Variants in STIM2 observed in about 807,000 individuals in gnomAD.
STIM2 encodes stromal interaction molecule 2.
STIM2 carries 31 observed loss-of-function variants against 85.8 expected under a neutral mutation model. The ratio of observed to expected loss-of-function variants is 0.36; its 90% CI spans 0.27 to 0.49. The LOEUF is 0.49. STIM2 is among the 20% of genes least tolerant of loss of function. STIM2 has a pLI of 0.98. For missense variants in STIM2, 841 were observed against 927.6 expected (o/e 0.91, Z 1.21); for synonymous variants, 356 against 331.1 (o/e 1.08, Z -0.82).
At position 26,958,716 on chromosome 4, in the gene STIM2, A is replaced by G. The variant is rs577662580; in HGVS notation, c.397+990A>G. On this transcript the variant is annotated intron_variant, in intron 3 of 11. Transcript: ENST00000467087. ...AAACCTCTCCATTTCTCTTCCCTAC[A>G]CCATTTTAAAATAACATGAGCTCGG... Among the ~76,000 whole-genome samples, 76 of 152,232 alleles carry G rather than the reference A, an allele frequency of 5.0e-4. 1 individual carries two copies. In the Middle Eastern group the frequency reaches 0.01, roughly 20 times the overall value.
At position 27,017,904 on chromosome 4, in the gene STIM2, C is replaced by T; in HGVS notation, c.1683C>T (p.Ile561=). Residue 561 remains isoleucine (I), a synonymous_variant, in exon 11 of 12, where the codon ATC becomes ATT. Transcript: ENST00000467087. ...CCTTGCCTTCCCCTGATCCAGATATCCTCTCAGTGTCAAGTTGCCCTGCGC... is the reference window on the plus strand; with the variant it reads ...CCTTGCCTTCCCCTGATCCAGATATTCTCTCAGTGTCAAGTTGCCCTGCGC... The T allele has an allele frequency of 6.2e-7, 1 of 1,614,132 alleles. No homozygotes were observed. The highest frequency in any genetic ancestry group is 8.5e-7 in the Non-Finnish European group (1 of 1,180,030).
chr4:26,984,799 A>C (rs964764519), intron 3 of STIM2, among the ~76,000 whole-genome samples: 20 of 152,238 alleles, frequency 1.3e-4, no homozygotes, highest in Non-Finnish European at 2.6e-4. Context: ...GCCTTCCCTC[A>C]GTGTCCCCTG....
chr4:26,893,879 G>GT (rs1723597346), intron 1 of STIM2, among the ~76,000 whole-genome samples: 1 of 151,678 alleles, frequency 6.6e-6, no homozygotes, highest in Non-Finnish European at 1.5e-5. Context: ...GAGTTGGAGT[G>GT]TTTTTTTCTT....
chr4:26,945,592 C>G (rs551822226), intron 2 of STIM2, among the ~76,000 whole-genome samples: 1 of 152,260 alleles, frequency 6.6e-6, no homozygotes. Flanking sequence ...TCCTTTTTCT[C>G]TACAACCTCT....
intron 6 of STIM2, 94 bp downstream of exon 6, chr4:27,002,488 T>G (rs1222105467): frequency 2.2e-6 from 2 of 925,076 alleles, no homozygotes; most frequent in Non-Finnish European, 3.2e-6. Context: ...ACATTTAGGT[T>G]ATTATACACA....
rs1358771017 is a variant in STIM2, at chr4:26,957,690, A to G, written c.361A>G (p.Ile121Val). The G allele has an allele frequency of 6.3e-7, 1 of 1,597,626 alleles. No homozygotes were observed. Among genetic ancestry groups the G allele is most frequent in the Non-Finnish European group, 8.5e-7 (1 of 1,174,664 alleles). ...GCACAGAGAAGATAAACATATAACG[A>G]TTGAGGATTTATGGAAACGATGGAA... Residue 121 changes from isoleucine to valine, a missense_variant, in exon 3 of 12, where the codon ATT becomes GTT. By Grantham distance (29) the Ile-to-Val change is conservative (BLOSUM62 3). Coordinates refer to ENST00000467087, the MANE Select transcript of STIM2 (RefSeq NM_020860.4).
chr4:26,938,858 A>G (rs1378910151), intron 2 of STIM2, among the ~76,000 whole-genome samples: 2 of 152,186 alleles, frequency 1.3e-5, no homozygotes, highest in Admixed American at 6.6e-5. Context: ...TTAGAGTCCA[A>G]CTGTTCCAAC....
chr4:26,912,295 T>C (rs1275352907), intron 1 of STIM2, among the ~76,000 whole-genome samples: 1 of 152,210 alleles, frequency 6.6e-6, no homozygotes, highest in Non-Finnish European at 1.5e-5. Flanking sequence ...AGTCCTTAGT[T>C]TGTGATTGAG....
chr4:26,912,011 C>A (rs761844154), intron 1 of STIM2, among the ~76,000 whole-genome samples: 27 of 152,100 alleles, frequency 1.8e-4, no homozygotes, highest in Non-Finnish European at 3.2e-4. Context: ...GAGTTTGAAT[C>A]AGGTCTTTGA....
rs534108823 is a variant in STIM2 at position 26,875,379 on chromosome 4, C to G, written c.151+14010C>G. On this transcript the variant is annotated intron_variant, in intron 1 of 11. Coordinates refer to ENST00000467087, the MANE Select transcript of STIM2 (RefSeq NM_020860.4). ...ACGTGTTTATAAAATTATCTGGTAA[C>G]TTTTATAGTGTACTAAAAATTTAGT... is the stretch of plus-strand genomic sequence containing the variant. Among the ~76,000 whole-genome samples, 5 of 152,158 alleles carry G rather than the reference C, an allele frequency of 3.3e-5. 1 individual carries two copies. The South Asian group carries it at 1.0e-3, about 32-fold the overall frequency.
In STIM2 at chr4:27,022,423, C is replaced by A. The variant is rs183811848; in HGVS notation, c.1764-96C>A. On this transcript the variant is annotated intron_variant, in intron 11 of 11. Transcript: ENST00000467087. ...CATATCATTTCCCTCTTTTAAATTT[C>A]AAAAAGCAATGAAAGTTGTTTTAGT... 13 of 1,023,776 alleles carry A rather than the reference C, an allele frequency of 1.3e-5. No homozygotes were observed. In the Admixed American group the frequency reaches 2.7e-4, roughly 21 times the overall value. The allele number at this position is 1,023,776 out of a possible 1,614,324, so 63.4% of individuals were successfully genotyped here. A position where few individuals can be genotyped will look rare whatever the true frequency, so the allele number is the denominator to read the frequency against.
intron 1 of STIM2, among the ~76,000 whole-genome samples, chr4:26,917,416 A>G (rs1423249836): frequency 2.0e-5 from 3 of 152,068 alleles, no homozygotes; most frequent in Non-Finnish European, 4.4e-5. Flanking sequence ...TGCTCATTAG[A>G]TAGTTGTTGA....
intron 3 of STIM2, among the ~76,000 whole-genome samples, chr4:26,977,164 C>T (rs979822611): frequency 6.6e-5 from 10 of 152,038 alleles, no homozygotes; most frequent in African/African-American, 2.2e-4. Context: ...AAGTATATTC[C>T]AGGTTTAGGG....
intron 1 of STIM2, among the ~76,000 whole-genome samples, chr4:26,887,887 C>T (rs1351757312): frequency 6.6e-6 from 1 of 152,054 alleles, no homozygotes; most frequent in Non-Finnish European, 1.5e-5. Context: ...AAGGAATTGG[C>T]TGAGGTAATT....
intron 1 of STIM2, among the ~76,000 whole-genome samples, chr4:26,888,549 C>T (rs533757839): frequency 3.3e-4 from 51 of 152,272 alleles, no homozygotes; most frequent in African/African-American, 1.1e-3. Context: ...GTCACATGGT[C>T]GTAGCTGGTT....
rs562517225 is a variant in STIM2 at position 26,893,770 on chromosome 4, CA to C, written c.152-25733del. The stretch of plus-strand genomic sequence containing the variant: ...GTCACGAACATTGGTATTAAACATT[CA>C]TTTTTTTTTTGAAGTTGAGCATCAT... On this transcript the variant is annotated intron_variant, in intron 1 of 11. Transcript: ENST00000467087. Among the ~76,000 whole-genome samples, 56 of 91,262 alleles carry C rather than the reference CA, an allele frequency of 6.1e-4. 1 individual carries two copies. The South Asian group carries it at 0.016, about 26-fold the overall frequency. The allele number at this position is 91,262 out of a possible 152,430, so 59.9% of individuals were successfully genotyped here. A position where few individuals can be genotyped will look rare whatever the true frequency, so the allele number is the denominator to read the frequency against.
At position 27,023,060 on chromosome 4, in the gene STIM2, C is replaced by T; in HGVS notation, c.*64C>T. The T allele has an allele frequency of 7.5e-6, 11 of 1,460,982 alleles. No individual in the cohort carries two copies. The highest frequency in any genetic ancestry group is 1.0e-5 in the Non-Finnish European group (11 of 1,083,556). 90.5% of individuals were successfully genotyped at this position (1,460,982 alleles called of 1,614,324 possible). A position where few individuals can be genotyped will look rare whatever the true frequency, so the allele number is the denominator to read the frequency against. On this transcript the variant is annotated 3_prime_UTR_variant, in exon 12 of 12. Coordinates refer to ENST00000467087, the MANE Select transcript of STIM2 (RefSeq NM_020860.4). ...GTAAACTATTATCCCCCACCCTCCA[C>T]TCCCCACCTTTTTTTTGGTTTAATT...
intron 2 of STIM2, among the ~76,000 whole-genome samples, chr4:26,956,174 C>G (rs1726229331): frequency 6.6e-6 from 1 of 151,506 alleles, no homozygotes; most frequent in Non-Finnish European, 1.5e-5. Context: ...AAAAAAGATA[C>G]CATATAAAAT....
chr4:27,019,358 T>G (rs892115019), intron 11 of STIM2: 1 of 1,179,638 alleles, frequency 8.5e-7, no homozygotes, highest in Non-Finnish European at 1.1e-6. Context: ...GCGACTTTGC[T>G]TGGTTAACAC....
Sources: allele counts gnomAD v4.1 joint callset (sites outside exome capture counted in the v4.1 genomes callset), GRCh38; gene constraint gnomAD v4.1.1; transcripts MANE v1.5; gene names NCBI Gene and HGNC (gene_info 2026-07-23, HGNC 2026-07-21).